The following TRPM8 variants were observed in gnomAD, a reference collection of about 807,000 sequenced individuals.
TRPM8 encodes transient receptor potential cation channel subfamily M member 8.
In TRPM8, 110 loss-of-function variants were observed where a neutral mutation model predicts 133.7. That is an observed-to-expected ratio of 0.82 (90% CI 0.70 to 0.96). TRPM8 has a LOEUF of 0.96. TRPM8 is among the 40% of genes least tolerant of loss of function. The probability of loss-of-function intolerance (pLI) is 0.00; values close to 1 mark genes in which losing one functional copy is unlikely to be tolerated. For synonymous variants in TRPM8, 535 were observed against 532.3 expected, an observed-to-expected ratio of 1.01 and a Z score of -0.07; for missense variants, 1,291 against 1,379.5, an observed-to-expected ratio of 0.94 and a Z score of 1.02.
At chr2:233,952,019 C>T (rs1559526085) in intron 9 of TRPM8, among the ~76,000 whole-genome samples, 1 of 152,158 alleles carries the variant, frequency 6.6e-6, no homozygotes, top group African/African-American at 2.4e-5. Context: ...TCCTAAAAGC[C>T]GTCATGGTTA....
chr2:233,995,584 T>C (rs749557946), intron 21 of TRPM8, among the ~76,000 whole-genome samples: 41 of 152,316 alleles, frequency 2.7e-4, no homozygotes, highest in Non-Finnish European at 5.0e-4. Context: ...TGAGCCTAAT[T>C]ATTTTCACTT....
chr2:234,007,948 C>A, intron 23 of TRPM8, 122 bp from the exon 24 acceptor site: 1 of 986,766 alleles, frequency 1.0e-6, no homozygotes, highest in Non-Finnish European at 1.6e-6. Context: ...CTTGATTTAG[C>A]TAAGAGTGAA....
rs1299418437 is a variant in TRPM8, at chr2:234,014,640, T to C, written c.*28T>C. ...CTGTATGAACTCTAATGGAGAAAAA[T>C]CTAATTATAGCAAGGTGAGTCATTC... On this transcript the variant is annotated 3_prime_UTR_variant, in exon 25 of 26. Coordinates refer to ENST00000324695, the MANE Select transcript of TRPM8 (RefSeq NM_024080.5). 2 of 1,324,612 alleles carry C rather than the reference T, an allele frequency of 1.5e-6. No individual in the cohort carries two copies. The highest frequency in any genetic ancestry group is 1.5e-5 in the African/African-American group (1 of 65,370). The allele number at this position is 1,324,612 out of a possible 1,614,324, so 82.1% of individuals were successfully genotyped here.
intron 5 of TRPM8, among the ~76,000 whole-genome samples, chr2:233,941,010 G>A (rs996740590): frequency 3.3e-5 from 5 of 152,190 alleles, no homozygotes; most frequent in African/African-American, 1.2e-4. Context: ...TGAGGGAGGA[G>A]TTTTGGCCCT....
At chr2:233,923,091 G>T (rs1055521125) in intron 1 of TRPM8, among the ~76,000 whole-genome samples, 6 of 151,966 alleles carry the variant, frequency 3.9e-5, no homozygotes, top group Admixed American at 3.9e-4. Context: ...GGATGGTCTC[G>T]ATCTCCTGGC....
In TRPM8 at chr2:233,970,366, C is replaced by A. The variant is rs201204922; in HGVS notation, c.2295C>A (p.His765Gln). 1.9e-5 allele frequency: 31 copies of A among 1,613,846 alleles called. No individual in the cohort carries two copies. The highest frequency in any genetic ancestry group is 7.7e-5 in the South Asian group (7 of 91,078). ...TCATGGATTTCCATTCGGTGCCACA[C>A]CCCCCCGAGCTGGTCCTGTACTCGC... ...VLLMDFHSVP[H>Q]PPELVLYSLV... Residue 765 changes from histidine to glutamine, a missense_variant, in exon 17 of 26, where the codon CAC (histidine) becomes CAA (glutamine). By Grantham distance (24) the His-to-Gln change is conservative. Around this residue, in one of 2 missense-constraint regions of TRPM8, gnomAD observed 963 missense variants for 968.9 expected, o/e 0.99. Coordinates refer to ENST00000324695, the MANE Select transcript of TRPM8 (RefSeq NM_024080.5).
chr2:233,960,612 GA>G (rs1199719803), intron 11 of TRPM8, among the ~76,000 whole-genome samples, 163 bp from the exon 12 acceptor site: 1 of 152,064 alleles, frequency 6.6e-6, no homozygotes, highest in Non-Finnish European at 1.5e-5. Context: ...TGTTAAAACG[GA>G]AAAAAGATAA....
intron 11 of TRPM8, among the ~76,000 whole-genome samples, chr2:233,956,076 G>T (rs1294701972): frequency 6.6e-6 from 1 of 152,074 alleles, no homozygotes; most frequent in African/African-American, 2.4e-5. Context: ...TCTACATTAT[G>T]GAGAGTAGTA....
chr2:233,959,855 C>T (rs1574726236), intron 11 of TRPM8, among the ~76,000 whole-genome samples: 1 of 152,000 alleles, frequency 6.6e-6, no homozygotes, highest in Non-Finnish European at 1.5e-5. Context: ...GATCTTGGCT[C>T]ACTGCAACTT....
At chr2:234,005,157 A>G (rs1268327053) in intron 22 of TRPM8, among the ~76,000 whole-genome samples, 2 of 152,108 alleles carry the variant, frequency 1.3e-5, no homozygotes, top group African/African-American at 4.8e-5. Flanking sequence ...GTCTTTGTAT[A>G]TTGGCTGTCC....
chr2:233,989,901 G>T lies in TRPM8; in HGVS notation c.2939+4036G>T, dbSNP rs1330596883. Among the ~76,000 whole-genome samples the T allele has an allele frequency of 1.3e-5, 2 of 152,196 alleles. No individual in the cohort carries two copies. Among genetic ancestry groups the T allele is most frequent in the Non-Finnish European group, 2.9e-5 (2 of 68,030 alleles). On this transcript the variant is annotated intron_variant, in intron 21 of 25. Coordinates refer to ENST00000324695, the MANE Select transcript of TRPM8 (RefSeq NM_024080.5). The surrounding 1 kb of genome is among the most constrained non-coding windows in gnomAD (Gnocchi z 4.2). Reference sequence around the variant, plus strand: ...GAGCTAGGGCATTTATAAGCATTGTGCCCTGAAGATAAGTTCACCCCAGGC... The same window carrying T: ...GAGCTAGGGCATTTATAAGCATTGTTCCCTGAAGATAAGTTCACCCCAGGC...
intron 21 of TRPM8, among the ~76,000 whole-genome samples, chr2:233,991,582 G>A (rs1404290533): frequency 2.0e-5 from 3 of 152,184 alleles, no homozygotes; most frequent in Admixed American, 6.5e-5. Flanking sequence ...CCATCTGATA[G>A]GGAATTAGCT....
chr2:233,975,623 G>A (rs1023349165), intron 17 of TRPM8, among the ~76,000 whole-genome samples: 26 of 152,340 alleles, frequency 1.7e-4, no homozygotes, highest in Admixed American at 7.2e-4. Flanking sequence ...GCTCCCGCCT[G>A]CAATCCCAGC....
At chr2:233,997,348 G>T (rs1692434191) in intron 22 of TRPM8, among the ~76,000 whole-genome samples, 1 of 152,180 alleles carries the variant, frequency 6.6e-6, no homozygotes, top group Non-Finnish European at 1.5e-5. Context: ...ATTCAGAGGT[G>T]AGACTCCTCC....
intron 21 of TRPM8, among the ~76,000 whole-genome samples, chr2:233,993,507 T>C (rs1283378039): frequency 1.3e-5 from 2 of 152,216 alleles, no homozygotes; most frequent in Non-Finnish European, 2.9e-5. Flanking sequence ...TATTCAGTGA[T>C]GCTGTACCCA....
chr2:233,959,149 C>T (rs911074879), intron 11 of TRPM8, among the ~76,000 whole-genome samples: 19 of 152,078 alleles, frequency 1.2e-4, no homozygotes, highest in Admixed American at 4.6e-4. Flanking sequence ...CCTCAGCCTC[C>T]GGAGTAGCTG....
At chr2:233,929,521 A>G (rs1691640845) in intron 2 of TRPM8, among the ~76,000 whole-genome samples, 1 of 152,226 alleles carries the variant, frequency 6.6e-6, no homozygotes, top group South Asian at 2.1e-4. Flanking sequence ...TATGAGGCCA[A>G]CTGTGTGTAA....
intron 20 of TRPM8, chr2:233,983,496 G>T: frequency 2.3e-6 from 1 of 442,226 alleles, no homozygotes; most frequent in Non-Finnish European, 4.4e-6. Context: ...GGCAATTGAA[G>T]GCAACAAGAC....
intron 1 of TRPM8, 69 bp from the exon 2 acceptor site, chr2:233,926,464 G>T: frequency 8.5e-7 from 1 of 1,176,144 alleles, no homozygotes; most frequent in Middle Eastern, 1.9e-4. Context: ...ACGGCATTGG[G>T]GTGAAGCTTT....
Sources: gnomAD v4.1 joint callset for allele counts (sites outside exome capture counted in the v4.1 genomes callset) on GRCh38, gnomAD v4.1.1 for gene constraint, gnomAD v4.1.1 regional missense constraint, Gnocchi (gnomAD v3.1) non-coding constraint, MANE v1.5 for transcripts, NCBI Gene and HGNC (gene_info 2026-07-23, HGNC 2026-07-21) for gene names.